TLE5: variants seen among roughly 807,000 people sequenced by gnomAD.
TLE5 encodes the protein TLE family member 5, transcriptional modulator.
A neutral mutation model predicts 25.8 loss-of-function variants in TLE5; 7 were observed. That is an observed-to-expected ratio of 0.27 (90% CI 0.15 to 0.51). TLE5 has a LOEUF of 0.51. Among genes scored for constraint, TLE5 ranks in the 20% least tolerant of loss-of-function variants. The pLI is 0.97. For synonymous variants in TLE5, 132 were observed against 110.5 expected (o/e 1.20, Z -1.22); for missense variants, 149 against 250.7 (o/e 0.59, Z 2.74).
Position 3,062,376 on chromosome 19 carries a change from C to CCCGGCGCGCCCCGGGCCCCGCTT in TLE5, c.-199_-177dup, listed in dbSNP as rs2090279317. 1.0e-6 allele frequency: 1 copy of CCCGGCGCGCCCCGGGCCCCGCTT among 961,724 alleles called. No individual in the cohort carries two copies. Among genetic ancestry groups the CCCGGCGCGCCCCGGGCCCCGCTT allele is most frequent in the African/African-American group, 1.8e-5 (1 of 55,538 alleles). The allele number at this position is 961,724 out of a possible 1,614,324, so 59.6% of individuals were successfully genotyped here. ...TGCGCCCCCTCCCCGCGCGCCCGGCCCCGGCGCGCCCCGGGCCCCGCTTCC... is the reference window on the plus strand; with the variant it reads ...TGCGCCCCCTCCCCGCGCGCCCGGCCCCGGCGCGCCCCGGGCCCCGCTTCCGGCGCGCCCCGGGCCCCGCTTCC... On this transcript the variant is annotated 5_prime_UTR_variant, in exon 1 of 7. Transcript: ENST00000327141.
At chr19:3,060,328 C>CTTT (rs990199468) in intron 2 of TLE5, among the ~76,000 whole-genome samples, 420 of 93,148 alleles carry the variant, frequency 4.5e-3, no homozygotes, top group Non-Finnish European at 5.9e-3. Context: ...TTTTTTCTTT[C>CTTT]TTTTTTTTTT....
rs1360166505 is a variant in TLE5 at position 3,062,392 on chromosome 19, C to T, written c.-192G>A. The T allele has an allele frequency of 4.4e-6, 4 of 900,918 alleles. No homozygotes were observed. Among genetic ancestry groups the T allele is most frequent in the Non-Finnish European group, 5.3e-6 (4 of 757,214 alleles). 55.8% of individuals were successfully genotyped at this position (900,918 alleles called of 1,614,324 possible). Reference sequence around the variant, plus strand: ...GCGCCCGGCCCCGGCGCGCCCCGGGCCCCGCTTCCTGCGCGCCCGGCGCCC... The same window carrying T: ...GCGCCCGGCCCCGGCGCGCCCCGGGTCCCGCTTCCTGCGCGCCCGGCGCCC... On this transcript the variant is annotated 5_prime_UTR_variant, in exon 1 of 7. Coordinates refer to ENST00000327141, the MANE Select transcript of TLE5 (RefSeq NM_001130.6).
chr19:3,061,886 TGGG>T (rs376264879), intron 1 of TLE5, among the ~76,000 whole-genome samples: 3 of 60,444 alleles, frequency 5.0e-5, no homozygotes, highest in South Asian at 1.1e-3. Context: ...CCCGGCGGGT[TGGG>T]GGGGGGGGGC....
rs778150452 is a variant in TLE5, at chr19:3,053,883, T to C, written c.530A>G (p.Lys177Arg). 1 of 1,613,264 alleles carries C rather than the reference T, an allele frequency of 6.2e-7. No homozygotes were observed. Among genetic ancestry groups the C allele is most frequent in the Non-Finnish European group, 8.5e-7 (1 of 1,179,980 alleles). Residue 177 changes from lysine to arginine, a missense_variant, in exon 7 of 7, where the codon AAG becomes AGG. Transcript: ENST00000327141. ...SALGSQAHLS[K>R]EDKNGHDGDT... ...ACCATCGTGCCCGTTCTTGTCTTCC[T>C]TGGAGAGGTGGGCCTGGGAACCCAG... is the stretch of plus-strand genomic sequence containing the variant.
At chr19:3,062,656 G>GCCCGCCCCCGCC (rs754178356), upstream of TLE5, 4 of 1,323,746 alleles carry the variant, frequency 3.0e-6, no homozygotes, top group African/African-American at 6.2e-5. Context: ...CTTGGGCCCG[G>GCCCGCCCCCGCC]CCCGCCCCCG....
At chr19:3,057,221 G>A (rs994641560) in intron 3 of TLE5, among the ~76,000 whole-genome samples, 8 of 152,238 alleles carry the variant, frequency 5.3e-5, no homozygotes, top group Non-Finnish European at 8.8e-5. Flanking sequence ...CAGCAATGCA[G>A]TGTCACACAT....
chr19:3,062,506 C>T, upstream of TLE5: 2 of 628,396 alleles, frequency 3.2e-6, no homozygotes, highest in Non-Finnish European at 3.9e-6. Context: ...GGCCGCGGCT[C>T]GGCTGCTGCG....
At chr19:3,057,451 G>A (rs1224290267) in intron 3 of TLE5, 3 of 551,738 alleles carry the variant, frequency 5.4e-6, no homozygotes, top group East Asian at 3.1e-5. Context: ...TGGCAGGGCC[G>A]GTCTGCAACC....
Position 3,060,069 on chromosome 19 carries a change from T to C in TLE5, c.125+1091A>G, listed in dbSNP as rs188706578. Reference sequence around the variant, plus strand: ...TCTACTTGGAGGAAATCCAGGATCCTTCCAGGAACACTTCTGGGGTGGGCA... The same window carrying C: ...TCTACTTGGAGGAAATCCAGGATCCCTCCAGGAACACTTCTGGGGTGGGCA... On this transcript the variant is annotated intron_variant, in intron 2 of 6. Coordinates refer to ENST00000327141, the MANE Select transcript of TLE5 (RefSeq NM_001130.6). Among the ~76,000 whole-genome samples the C allele has an allele frequency of 2.1e-3, 317 of 152,206 alleles. 2 individuals are homozygous for C. Among genetic ancestry groups the C allele is most frequent in the African/African-American group, 7.0e-3 (292 of 41,552 alleles).
Position 3,061,249 on chromosome 19 carries a change from C to A in TLE5, c.36G>T (p.Ser12=), listed in dbSNP as rs1304356681. Residue 12 remains serine, a synonymous_variant, in exon 2 of 7, where the codon TCG becomes TCT. Transcript: ENST00000327141. ...MFPQSRHSGS[S]HLPQQLKFTT... ...TGAATTTGAGTTGCTGGGGTAGGTG[C>A]GAGGAGCCCTGTAGGGATGGGGCGG... 7 of 1,612,994 alleles carry A rather than the reference C, an allele frequency of 4.3e-6. No homozygotes were observed. The highest frequency in any genetic ancestry group is 5.9e-6 in the Non-Finnish European group (7 of 1,179,338).
chr19:3,059,458 G>A (rs574718542), intron 2 of TLE5, among the ~76,000 whole-genome samples: 1 of 152,204 alleles, frequency 6.6e-6, no homozygotes, highest in Non-Finnish European at 1.5e-5. Context: ...AAAGGTGGAG[G>A]TTGCAGTGAG....
At chr19:3,054,438 G>A in intron 5 of TLE5, 1 of 590,010 alleles carries the variant, frequency 1.7e-6, no homozygotes, top group Non-Finnish European at 3.0e-6. Context: ...AATTAAAAGG[G>A]TTTTGTGCTA....
At chr19:3,055,631 CT>C in intron 5 of TLE5, 32 bp downstream of exon 5, 1 of 1,565,780 alleles carries the variant, frequency 6.4e-7, no homozygotes, top group Non-Finnish European at 8.6e-7. Context: ...GCGGGGCCCC[CT>C]CACAACCCCT....
Position 3,062,437 on chromosome 19 carries a change from G to A in TLE5, c.-237C>T. The A allele has an allele frequency of 1.8e-6, 1 of 561,344 alleles. No individual in the cohort carries two copies. The highest frequency in any genetic ancestry group is 2.1e-6 in the Non-Finnish European group (1 of 466,346). 34.8% of individuals were successfully genotyped at this position (561,344 alleles called of 1,614,324 possible). A position where few individuals can be genotyped will look rare whatever the true frequency, so the allele number is the denominator to read the frequency against. On this transcript the variant is annotated 5_prime_UTR_variant, in exon 1 of 7. Transcript: ENST00000327141. Reference sequence around the variant, plus strand: ...GCGCCCCTCCCCGCCCCTCCCCGCCGCCCGCCTCCCCGCTCCCCGGCCCCA... The same window carrying A: ...GCGCCCCTCCCCGCCCCTCCCCGCCACCCGCCTCCCCGCTCCCCGGCCCCA...
intron 5 of TLE5, 195 bp from the exon 6 acceptor site, chr19:3,054,389 C>T (rs2090200589): frequency 6.6e-6 from 4 of 604,576 alleles, no homozygotes; most frequent in Non-Finnish European, 5.9e-6. Flanking sequence ...CTCGTCTCTT[C>T]GTCTGGCCAA....
intron 4 of TLE5, chr19:3,056,067 G>A (rs2090214651): frequency 9.4e-6 from 5 of 530,384 alleles, no homozygotes; most frequent in Non-Finnish European, 1.7e-5. Flanking sequence ...AGGCTGTGGG[G>A]AAGGTCTCTG....
In TLE5 at chr19:3,055,808, G is replaced by A. The variant is rs1016854916; in HGVS notation, c.235-82C>T. ...GCCACAGGAGGCCTGCGCGGGGCCC[G>A]GCCCAGCCCTGCCACTTGCGGCTTC... On this transcript the variant is annotated intron_variant, in intron 4 of 6. Coordinates refer to ENST00000327141, the MANE Select transcript of TLE5 (RefSeq NM_001130.6). 20 of 1,428,370 alleles carry A rather than the reference G, an allele frequency of 1.4e-5. No homozygotes were observed. In the African/African-American group the frequency reaches 1.4e-4, roughly 10 times the overall value. The allele number at this position is 1,428,370 out of a possible 1,614,324, so 88.5% of individuals were successfully genotyped here.
rs990199468 is a variant in TLE5, at chr19:3,060,328, C to CTTTTT, written c.125+827_125+831dup. On this transcript the variant is annotated intron_variant, in intron 2 of 6. Coordinates refer to ENST00000327141, the MANE Select transcript of TLE5 (RefSeq NM_001130.6). ...TGGGCTTAAGTTTCTTTTTTTCTTT[C>CTTTTT]TTTTTTTTTTTTTTTTTTTTTTTTG... Among the ~76,000 whole-genome samples the CTTTTT allele has an allele frequency of 6.4e-3, 595 of 93,210 alleles. 1 individual carries two copies. The highest frequency in any genetic ancestry group is 7.6e-3 in the Non-Finnish European group (367 of 48,492). 61.1% of individuals were successfully genotyped at this position (93,210 alleles called of 152,430 possible).
intron 2 of TLE5, among the ~76,000 whole-genome samples, chr19:3,059,773 C>T (rs1445257168): frequency 6.6e-6 from 1 of 152,182 alleles, no homozygotes; most frequent in Non-Finnish European, 1.5e-5. Flanking sequence ...GATCCCTTCC[C>T]TGTGGAATCA....
Sources: gnomAD v4.1 joint callset for allele counts (sites outside exome capture counted in the v4.1 genomes callset) on GRCh38, gnomAD v4.1.1 for gene constraint, MANE v1.5 for transcripts, NCBI Gene and HGNC (gene_info 2026-07-23, HGNC 2026-07-21) for gene names.